GALNT11: variants seen among roughly 807,000 people sequenced by gnomAD.
GALNT11 encodes the protein polypeptide N-acetylgalactosaminyltransferase 11.
Under a neutral mutation model 72.7 loss-of-function variants are expected in GALNT11, and 47 were observed. The ratio of observed to expected loss-of-function variants is 0.65; its 90% confidence interval spans 0.51 to 0.82. The LOEUF (loss-of-function observed/expected upper bound fraction) is 0.82. Among genes scored for constraint, GALNT11 ranks in the 40% least tolerant of loss-of-function variants. The pLI, the probability that GALNT11 is intolerant of heterozygous loss-of-function variation, is 0.00. For synonymous variants in GALNT11, 270 were observed against 286.6 expected (o/e 0.94, Z 0.58); for missense variants, 677 against 778.4 (o/e 0.87, Z 1.55).
At chr7:152,098,429 A>G (rs61554198) in intron 2 of GALNT11, among the ~76,000 whole-genome samples, 1 of 151,942 alleles carries the variant, frequency 6.6e-6, no homozygotes, top group Non-Finnish European at 1.5e-5. Context: ...TGTCTCAAAA[A>G]AAATAAATAA....
intron 1 of GALNT11, among the ~76,000 whole-genome samples, chr7:152,071,718 A>G (rs1457149718): frequency 6.6e-6 from 1 of 152,208 alleles, no homozygotes. Flanking sequence ...AAAGACAGGC[A>G]TAAGAAATTA....
intron 5 of GALNT11, among the ~76,000 whole-genome samples, chr7:152,105,799 C>T (rs2087478791): frequency 6.6e-6 from 1 of 152,206 alleles, no homozygotes; most frequent in Non-Finnish European, 1.5e-5. Flanking sequence ...TCTGGAGCCA[C>T]ACATCATGAC....
chr7:152,051,208 T>G (rs1316082581), intron 1 of GALNT11, among the ~76,000 whole-genome samples: 2 of 147,562 alleles, frequency 1.4e-5, no homozygotes, highest in Non-Finnish European at 3.0e-5. Context: ...TGTTTTTTTT[T>G]TTTTTTTTTT....
intron 1 of GALNT11, among the ~76,000 whole-genome samples, chr7:152,065,950 C>T (rs1470767788): frequency 1.3e-5 from 2 of 152,182 alleles, no homozygotes; most frequent in African/African-American, 2.4e-5. Context: ...CTGGGAGAAC[C>T]ACTACTCTAT....
At chr7:152,063,383 T>C (rs2084124085) in intron 1 of GALNT11, among the ~76,000 whole-genome samples, 2 of 152,222 alleles carry the variant, frequency 1.3e-5, no homozygotes, top group African/African-American at 4.8e-5. Flanking sequence ...TAGCGGTCTA[T>C]CAATTTTGCT....
At position 152,108,186 on chromosome 7, in the gene GALNT11, C is replaced by T. The variant is rs1376126755; in HGVS notation, c.861C>T (p.Ser287=). 4 of 1,614,158 alleles carry T rather than the reference C, an allele frequency of 2.5e-6. No homozygotes were observed. The Admixed American group carries it at 6.7e-5, about 27-fold the overall frequency. The change falls in exon 6 of 12, where the codon TCC becomes TCT. Residue 287 remains serine, a synonymous_variant. Coordinates refer to ENST00000430044, the MANE Select transcript of GALNT11 (RefSeq NM_022087.4). ...CCGACACGCTGGCCTACAGCTCGTCCCCTGTCGTCCGCGGAGGGTTCAACT... is the reference window on the plus strand; with the variant it reads ...CCGACACGCTGGCCTACAGCTCGTCTCCTGTCGTCCGCGGAGGGTTCAACT... ...ISADTLAYSS[S]PVVRGGFNWG...
At chr7:152,120,733 C>CT in intron 10 of GALNT11, 98 bp from the exon 11 acceptor site, 1 of 1,100,000 alleles carries the variant, frequency 9.1e-7, no homozygotes. Flanking sequence ...TCTGTTTCTG[C>CT]TTTGAGACCT....
chr7:152,101,489 G>A (rs1315653760), intron 3 of GALNT11, among the ~76,000 whole-genome samples: 1 of 152,158 alleles, frequency 6.6e-6, no homozygotes, highest in Non-Finnish European at 1.5e-5. Context: ...GGCTGTGACA[G>A]GGTTTGGGGA....
At position 152,122,124 on chromosome 7, in the gene GALNT11, G is replaced by C. The variant is rs2089467212; in HGVS notation, c.*447G>C. On this transcript the variant is annotated 3_prime_UTR_variant, in exon 12 of 12. Transcript: ENST00000430044. The stretch of plus-strand genomic sequence containing the variant: ...TTTTATCTGATCAGGAACTTGTCAT[G>C]ATTTCCTTTCTTAGACTTCATAGGA... 6.6e-6 allele frequency: 1 copy of C among 151,150 alleles called. No homozygotes were observed. Among genetic ancestry groups the C allele is most frequent in the Non-Finnish European group, 1.5e-5 (1 of 68,294 alleles). The allele number at this position is 151,150 out of a possible 1,614,324, so 9.4% of individuals were successfully genotyped here.
intron 1 of GALNT11, among the ~76,000 whole-genome samples, chr7:152,086,705 G>C (rs189029008): frequency 3.7e-4 from 56 of 152,324 alleles, no homozygotes; most frequent in African/African-American, 1.3e-3. Flanking sequence ...CTGGCAGGTA[G>C]CCAAGAGTGA....
At chr7:152,081,301 T>C (rs1054072151) in intron 1 of GALNT11, among the ~76,000 whole-genome samples, 4 of 152,166 alleles carry the variant, frequency 2.6e-5, no homozygotes, top group Non-Finnish European at 4.4e-5. Flanking sequence ...TGACCTCTGT[T>C]AATAGAGGAC....
chr7:152,051,745 GA>G (rs1749624642), intron 1 of GALNT11, among the ~76,000 whole-genome samples: 1 of 150,928 alleles, frequency 6.6e-6, no homozygotes, highest in Admixed American at 6.6e-5. Context: ...GCAAAAATAG[GA>G]AATAGAAAAA....
chr7:152,080,597 A>AT (rs1351676239), intron 1 of GALNT11, among the ~76,000 whole-genome samples: 3 of 152,166 alleles, frequency 2.0e-5, no homozygotes, highest in African/African-American at 7.2e-5. Context: ...ACTTCTGGTG[A>AT]TTTTTAAGTA....
intron 1 of GALNT11, among the ~76,000 whole-genome samples, chr7:152,054,203 A>G (rs1031346580): frequency 6.6e-6 from 1 of 152,092 alleles, no homozygotes; most frequent in Non-Finnish European, 1.5e-5. Flanking sequence ...TTTTAAGATT[A>G]ATATTTGTAA....
chr7:152,033,061 G>A (rs956307984), intron 1 of GALNT11, among the ~76,000 whole-genome samples: 4 of 152,166 alleles, frequency 2.6e-5, no homozygotes, highest in African/African-American at 9.7e-5. Context: ...AATGTACCCG[G>A]GGCTCAGTGA....
At chr7:152,104,019 T>C (rs769035489) in intron 4 of GALNT11, 6 of 152,242 alleles carry the variant, frequency 3.9e-5, no homozygotes, top group Non-Finnish European at 8.8e-5. Context: ...TATGATTCAC[T>C]ACATATTCTA....
chr7:152,025,939 CGG>C (rs2081985007), intron 1 of GALNT11, 55 bp downstream of exon 1: 1 of 214 alleles, frequency 4.7e-3, no homozygotes, highest in Non-Finnish European at 8.5e-3. Flanking sequence ...TCGAGAGCTG[CGG>C]CGGCGGCGGC....
chr7:152,070,285 C>T (rs9986810), intron 1 of GALNT11, among the ~76,000 whole-genome samples: 4,185 of 152,110 alleles, frequency 0.028, 69 homozygotes, highest in Non-Finnish European at 0.034. Context: ...TGTGAGCCAC[C>T]GCGCCTGGCC....
chr7:152,103,124 G>A lies in GALNT11; in HGVS notation c.432G>A (p.Lys144=), dbSNP rs780342860. The part of the protein sequence containing the change: ...PDTRNAACKE[K]FYPPDLPAAS... ...TTTATCTTTACAGATGTAAAGAAAA[G>A]TTCTACCCACCTGACCTGCCAGCTG... Residue 144 remains lysine (K), a synonymous_variant, in exon 4 of 12, where the codon AAG becomes AAA. Coordinates refer to ENST00000430044, the MANE Select transcript of GALNT11 (RefSeq NM_022087.4). The A allele has an allele frequency of 6.2e-7, 1 of 1,607,294 alleles. No homozygotes were observed. The highest frequency in any genetic ancestry group is 8.5e-7 in the Non-Finnish European group (1 of 1,175,578).
Sources: allele counts gnomAD v4.1 joint callset (sites outside exome capture counted in the v4.1 genomes callset), GRCh38; gene constraint gnomAD v4.1.1; transcripts MANE v1.5; gene names NCBI Gene and HGNC (gene_info 2026-07-23, HGNC 2026-07-21).